Variants in ENTPD1 observed in about 807,000 individuals in gnomAD.
ENTPD1 encodes ATP diphosphohydrolase.
Under a neutral mutation model 57.0 loss-of-function variants are expected in ENTPD1, and 33 were observed. The observed-to-expected ratio is 0.58, with a 90% CI of 0.44 to 0.77. ENTPD1 has a LOEUF of 0.77. ENTPD1 is among the 30% of genes least tolerant of loss of function. ENTPD1 has a pLI of 0.00. For synonymous variants in ENTPD1, 202 were observed against 218.8 expected (o/e 0.92, Z 0.68); for missense variants, 501 against 603.4 (o/e 0.83, Z 1.78).
intron 1 of ENTPD1, among the ~76,000 whole-genome samples, chr10:95,744,337 C>T (rs1456252426): frequency 6.6e-6 from 1 of 152,058 alleles, no homozygotes. Context: ...ACTTTACTCA[C>T]ATCTAAAGTG....
chr10:95,709,301 A>G (rs1009667760), upstream of ENTPD1, among the ~76,000 whole-genome samples: 5 of 152,066 alleles, frequency 3.3e-5, no homozygotes, highest in African/African-American at 1.2e-4. Flanking sequence ...TCATGTTTCC[A>G]CCACCACAGT....
intron 1 of ENTPD1, among the ~76,000 whole-genome samples, chr10:95,734,570 A>G (rs2097992562): frequency 6.6e-6 from 1 of 152,180 alleles, no homozygotes; most frequent in African/African-American, 2.4e-5. Flanking sequence ...TTAAACGGAG[A>G]AGGGGGAAGG....
chr10:95,779,914 G>A (rs894622103), intron 1 of ENTPD1, among the ~76,000 whole-genome samples: 10 of 152,178 alleles, frequency 6.6e-5, no homozygotes, highest in Admixed American at 5.9e-4. Context: ...AGCATTATGA[G>A]GTGAGAACTG....
At chr10:95,819,873 C>T (rs373108716) in intron 1 of ENTPD1, among the ~76,000 whole-genome samples, 6 of 152,276 alleles carry the variant, frequency 3.9e-5, no homozygotes, top group Admixed American at 2.0e-4. Context: ...AATTCTGTTT[C>T]GAAATACCAT....
intron 6 of ENTPD1, among the ~76,000 whole-genome samples, chr10:95,846,704 T>G (rs560355896): frequency 1.4e-4 from 22 of 152,170 alleles, no homozygotes; most frequent in African/African-American, 3.9e-4. Context: ...TACTTTTTTT[T>G]GGGCCAGGCG....
intron 1 of ENTPD1, among the ~76,000 whole-genome samples, chr10:95,773,149 C>T (rs989390533): frequency 1.3e-5 from 2 of 151,942 alleles, no homozygotes; most frequent in African/African-American, 2.4e-5. Flanking sequence ...GTTCACTCAC[C>T]CCCAAAGAAG....
chr10:95,814,967 A>G (rs1361286836), intron 1 of ENTPD1, among the ~76,000 whole-genome samples: 1 of 151,638 alleles, frequency 6.6e-6, no homozygotes, highest in African/African-American at 2.4e-5. Context: ...TTTGCCCTTT[A>G]ACTAACTGGT....
intron 2 of ENTPD1, among the ~76,000 whole-genome samples, chr10:95,824,123 A>C (rs936131971): frequency 3.3e-5 from 5 of 152,252 alleles, no homozygotes; most frequent in African/African-American, 1.2e-4. Flanking sequence ...TTAATTAAAA[A>C]GCATGTGGTA....
At chr10:95,814,839 A>G (rs2098324369) in intron 1 of ENTPD1, among the ~76,000 whole-genome samples, 1 of 151,948 alleles carries the variant, frequency 6.6e-6, no homozygotes. Context: ...TTGTCTTTCT[A>G]CCTTTCTTTT....
intron 1 of ENTPD1, among the ~76,000 whole-genome samples, chr10:95,774,412 A>G (rs2098126219): frequency 6.6e-6 from 1 of 152,086 alleles, no homozygotes; most frequent in South Asian, 2.1e-4. Context: ...GCCCATACCT[A>G]TGTCCTGAAT....
intron 1 of ENTPD1, among the ~76,000 whole-genome samples, chr10:95,735,922 T>G (rs1352500231): frequency 6.6e-6 from 1 of 152,018 alleles, no homozygotes; most frequent in Admixed American, 6.6e-5. Flanking sequence ...TATGGAAGAT[T>G]GCCTGTTTTA....
intron 2 of ENTPD1, among the ~76,000 whole-genome samples, chr10:95,825,226 T>C (rs574526833): frequency 2.8e-4 from 43 of 152,362 alleles, no homozygotes; most frequent in East Asian, 1.5e-3. Flanking sequence ...AACACAGATA[T>C]AGAATATTGC....
At chr10:95,708,376 G>A (rs891714363), upstream of ENTPD1, among the ~76,000 whole-genome samples, 3 of 152,036 alleles carry the variant, frequency 2.0e-5, no homozygotes, top group African/African-American at 7.2e-5. Flanking sequence ...ATCACGCCCA[G>A]CTAATTTTTG....
In ENTPD1 at chr10:95,839,467, G is replaced by A. The variant is rs949461550; in HGVS notation, c.145-224G>A. ...GCTTCTTGGGCCCTGTTCTGCATAA[G>A]GTCTGAATATTTCTAACATGCAAAC... On this transcript the variant is annotated intron_variant, in intron 2 of 9. Transcript: ENST00000371205. The A allele has an allele frequency of 1.9e-5, 11 of 577,274 alleles. No individual in the cohort carries two copies. The African/African-American group carries it at 2.1e-4, about 11-fold the overall frequency. 35.8% of individuals were successfully genotyped at this position (577,274 alleles called of 1,614,324 possible).
chr10:95,777,727 G>A (rs747012984), intron 1 of ENTPD1, among the ~76,000 whole-genome samples: 1 of 152,224 alleles, frequency 6.6e-6, no homozygotes, highest in Non-Finnish European at 1.5e-5. Flanking sequence ...GAAGTTGTCT[G>A]CTGCCTTTTG....
chr10:95,726,563 A>G (rs552206549), intron 1 of ENTPD1, among the ~76,000 whole-genome samples: 10 of 152,280 alleles, frequency 6.6e-5, no homozygotes, highest in African/African-American at 2.2e-4. Flanking sequence ...TGTGTTGACA[A>G]TTCTTTTATT....
At chr10:95,770,572 C>A (rs1358781631) in intron 1 of ENTPD1, among the ~76,000 whole-genome samples, 1 of 152,092 alleles carries the variant, frequency 6.6e-6, no homozygotes, top group Non-Finnish European at 1.5e-5. Context: ...AAAGAAAAGC[C>A]AGAGGCCTTT....
intron 1 of ENTPD1, among the ~76,000 whole-genome samples, chr10:95,771,599 A>G (rs1326314621): frequency 6.6e-6 from 1 of 152,158 alleles, no homozygotes. Context: ...GATGTCCCGT[A>G]TGACTCCTTG....
intron 1 of ENTPD1, among the ~76,000 whole-genome samples, chr10:95,712,756 T>C (rs1488345085): frequency 3.3e-5 from 5 of 152,102 alleles, no homozygotes; most frequent in Non-Finnish European, 5.9e-5. Flanking sequence ...TGTGGTGGGC[T>C]GGGCACTGTG....
Sources: gnomAD v4.1 joint callset for allele counts (sites outside exome capture counted in the v4.1 genomes callset) on GRCh38, gnomAD v4.1.1 for gene constraint, MANE v1.5 for transcripts, NCBI Gene and HGNC (gene_info 2026-07-23, HGNC 2026-07-21) for gene names.